The following FSTL5 variants were observed in gnomAD, a reference collection of about 807,000 sequenced individuals.
The protein encoded by FSTL5 is follistatin-related protein 5.
In FSTL5, 62 loss-of-function variants were observed where a neutral mutation model predicts 89.1. That is an observed-to-expected ratio of 0.70 (90% CI 0.57 to 0.86). FSTL5 has a LOEUF of 0.86. Among genes scored for constraint, FSTL5 ranks in the 40% least tolerant of loss-of-function variants. The pLI is 0.00. For missense variants in FSTL5, 1,057 were observed against 1,001.6 expected, an observed-to-expected ratio of 1.06 and a Z score of -0.75; for synonymous variants, 383 against 346.2, an observed-to-expected ratio of 1.11 and a Z score of -1.18.
At chr4:161,611,586 A>T (rs1233377953) in intron 7 of FSTL5, among the ~76,000 whole-genome samples, 1 of 152,154 alleles carries the variant, frequency 6.6e-6, no homozygotes, top group African/African-American at 2.4e-5. Context: ...AAGGCACTGT[A>T]TATAGAAGTG....
intron 4 of FSTL5, among the ~76,000 whole-genome samples, chr4:161,835,918 T>G (rs538708184): frequency 4.4e-4 from 66 of 151,446 alleles, no homozygotes; most frequent in African/African-American, 1.5e-3. Context: ...GATCTAGAAC[T>G]AGAAATACCA....
At chr4:162,012,595 T>A (rs1396996927) in intron 3 of FSTL5, among the ~76,000 whole-genome samples, 2 of 152,178 alleles carry the variant, frequency 1.3e-5, no homozygotes, top group Non-Finnish European at 2.9e-5. Context: ...ATATGAATTT[T>A]AATTCTACCC....
chr4:161,597,421 C>A (rs868148568), intron 7 of FSTL5, among the ~76,000 whole-genome samples: 62 of 137,706 alleles, frequency 4.5e-4, no homozygotes, highest in African/African-American at 1.6e-3. Context: ...TAGGTGGGAA[C>A]TGAACAATGA....
intron 12 of FSTL5, among the ~76,000 whole-genome samples, chr4:161,493,678 G>A (rs6835341): frequency 0.35 from 52,788 of 151,784 alleles, 9,621 homozygotes; most frequent in Non-Finnish European, 0.4. Context: ...GGAAGTTTCT[G>A]TTGAAAAATC....
intron 6 of FSTL5, among the ~76,000 whole-genome samples, chr4:161,658,766 G>A (rs943415060): frequency 3.9e-5 from 6 of 152,178 alleles, no homozygotes; most frequent in African/African-American, 1.4e-4. Flanking sequence ...ATCATGTACA[G>A]TATCACGTAA....
intron 6 of FSTL5, among the ~76,000 whole-genome samples, chr4:161,741,232 G>T (rs984868793): frequency 2.6e-5 from 4 of 152,198 alleles, no homozygotes; most frequent in Non-Finnish European, 5.9e-5. Flanking sequence ...TTACCAGATA[G>T]AATTAAGACA....
intron 3 of FSTL5, among the ~76,000 whole-genome samples, chr4:161,981,313 A>G (rs1199714079): frequency 6.6e-6 from 1 of 152,120 alleles, no homozygotes; most frequent in Non-Finnish European, 1.5e-5. Context: ...CCATTAAAAG[A>G]TAAAGAAAAT....
At chr4:161,950,021 AATAAG>A (rs1252149191) in intron 3 of FSTL5, among the ~76,000 whole-genome samples, 4 of 152,120 alleles carry the variant, frequency 2.6e-5, no homozygotes, top group African/African-American at 4.8e-5. Flanking sequence ...TTTAAAAATT[AATAAG>A]ATAAATAATA....
intron 4 of FSTL5, among the ~76,000 whole-genome samples, chr4:161,850,021 G>C (rs761925432): frequency 2.0e-5 from 3 of 152,070 alleles, no homozygotes; most frequent in Non-Finnish European, 4.4e-5. Flanking sequence ...ATGTTACCAA[G>C]ATCTCAAAGG....
chr4:161,900,527 T>A (rs775009372), intron 4 of FSTL5, among the ~76,000 whole-genome samples: 3 of 150,740 alleles, frequency 2.0e-5, no homozygotes, highest in African/African-American at 7.3e-5. Context: ...TAATCCCAGC[T>A]ACTCAGGAGA....
intron 6 of FSTL5, among the ~76,000 whole-genome samples, chr4:161,709,230 T>C (rs1336412488): frequency 6.6e-6 from 1 of 152,166 alleles, no homozygotes; most frequent in East Asian, 1.9e-4. Flanking sequence ...CGTAAAATCA[T>C]TTAATACTTA....
At chr4:161,714,546 G>A (rs1056830552) in intron 6 of FSTL5, among the ~76,000 whole-genome samples, 2 of 152,122 alleles carry the variant, frequency 1.3e-5, no homozygotes, top group Admixed American at 1.3e-4. Flanking sequence ...TGTAATGAAT[G>A]TTCACTCTCT....
chr4:161,618,328 C>T (rs1432244930), intron 7 of FSTL5, among the ~76,000 whole-genome samples: 4 of 135,194 alleles, frequency 3.0e-5, no homozygotes, highest in African/African-American at 1.1e-4. Context: ...CTTCTCCTGC[C>T]TAATTGCCCT....
chr4:161,904,597 G>C (rs369740725), intron 4 of FSTL5, among the ~76,000 whole-genome samples: 40 of 150,618 alleles, frequency 2.7e-4, no homozygotes, highest in Non-Finnish European at 5.3e-4. Context: ...CAGGAAGTCA[G>C]ATTATAAAAG....
chr4:161,880,119 G>A (rs978289884), intron 4 of FSTL5, among the ~76,000 whole-genome samples: 3 of 151,976 alleles, frequency 2.0e-5, no homozygotes, highest in African/African-American at 7.3e-5. Context: ...AGGTATATTT[G>A]GCTAGGTGTG....
chr4:161,407,574 C>T (rs1731429817), intron 15 of FSTL5, among the ~76,000 whole-genome samples: 1 of 143,386 alleles, frequency 7.0e-6, no homozygotes, highest in East Asian at 2.0e-4. Flanking sequence ...GACCCCATAC[C>T]CCCACAGACC....
intron 5 of FSTL5, among the ~76,000 whole-genome samples, chr4:161,765,657 T>G (rs1740967600): frequency 6.6e-6 from 1 of 152,226 alleles, no homozygotes; most frequent in Admixed American, 6.5e-5. Context: ...TATTCACACA[T>G]GGCAGTCATT....
intron 15 of FSTL5, among the ~76,000 whole-genome samples, chr4:161,402,006 C>A (rs1310448076): frequency 2.6e-5 from 4 of 151,916 alleles, no homozygotes; most frequent in Non-Finnish European, 4.4e-5. Context: ...TAGATTTGAT[C>A]TTTTCATTTA....
intron 8 of FSTL5, among the ~76,000 whole-genome samples, chr4:161,579,631 T>C: frequency 6.6e-6 from 1 of 151,212 alleles, no homozygotes; most frequent in African/African-American, 2.4e-5. Flanking sequence ...ACAGGAGAAT[T>C]GCTTGAACCT....
Sources: allele counts gnomAD v4.1 joint callset (sites outside exome capture counted in the v4.1 genomes callset), GRCh38; gene constraint gnomAD v4.1.1; transcripts MANE v1.5; gene names NCBI Gene and HGNC (gene_info 2026-07-23, HGNC 2026-07-21).